The following C1QTNF7 variants were observed in gnomAD, a reference collection of about 807,000 sequenced individuals.
The protein encoded by C1QTNF7 is C1q and TNF related 7, also known as complement C1q tumor necrosis factor-related protein 7.
C1QTNF7 carries 15 observed loss-of-function variants against 19.6 expected under a neutral mutation model. That is an observed-to-expected ratio of 0.76 (90% CI 0.51 to 1.18). The LOEUF (loss-of-function observed/expected upper bound fraction) is 1.18. Ranked by LOEUF, C1QTNF7 falls within the 50% of genes most tolerant of loss-of-function variation. The probability of loss-of-function intolerance (pLI) is 0.00; values close to 1 mark genes in which losing one functional copy is unlikely to be tolerated. For missense variants in C1QTNF7, 324 were observed against 359.7 expected (o/e 0.90, Z 0.80); for synonymous variants, 142 against 137.5 (o/e 1.03, Z -0.23).
rs191187792 is a variant in C1QTNF7 at position 15,384,046 on chromosome 4, A to G, written c.13+43839A>G. On this transcript the variant is annotated intron_variant, in intron 1 of 2. Coordinates refer to the C1QTNF7 transcript ENST00000295297. ...GTGGAGGACTTGGTCTTGAACAAGCATGGATCCTGACTCACAGCTGTGTCC... is the reference window on the plus strand; with the variant it reads ...GTGGAGGACTTGGTCTTGAACAAGCGTGGATCCTGACTCACAGCTGTGTCC... 7.2e-5 allele frequency among the ~76,000 whole-genome samples: 11 copies of G among 152,364 alleles called. No homozygotes were observed. The East Asian group carries it at 1.9e-3, about 27-fold the overall frequency.
At chr4:15,354,728 A>G (rs573384715) in intron 1 of C1QTNF7, among the ~76,000 whole-genome samples, 4 of 152,234 alleles carry the variant, frequency 2.6e-5, no homozygotes, top group Admixed American at 2.6e-4. Flanking sequence ...GCCCCACACT[A>G]CACACATGTT....
intron 1 of C1QTNF7, among the ~76,000 whole-genome samples, chr4:15,398,485 G>GT (rs1202991371): frequency 6.6e-6 from 1 of 151,288 alleles, no homozygotes; most frequent in Non-Finnish European, 1.5e-5. Context: ...CAGACTTTCT[G>GT]TTCCACAGTG....
intron 1 of C1QTNF7, among the ~76,000 whole-genome samples, chr4:15,405,230 G>A (rs376704216): frequency 3.3e-5 from 5 of 152,044 alleles, no homozygotes; most frequent in Non-Finnish European, 5.9e-5. Context: ...TTTCATCCTC[G>A]CACTTGTGTC....
intron 1 of C1QTNF7, among the ~76,000 whole-genome samples, chr4:15,379,628 GC>G (rs1718068734): frequency 6.6e-6 from 1 of 152,088 alleles, no homozygotes; most frequent in African/African-American, 2.4e-5. Flanking sequence ...AAAATAAGGG[GC>G]TTTTTTTTAA....
chr4:15,390,103 A>T (rs1718500015), intron 1 of C1QTNF7, among the ~76,000 whole-genome samples: 1 of 152,146 alleles, frequency 6.6e-6, no homozygotes, highest in South Asian at 2.1e-4. Flanking sequence ...AGAGAAACAG[A>T]TGAGTAGGAA....
At chr4:15,348,491 T>C (rs1009742660) in intron 1 of C1QTNF7, among the ~76,000 whole-genome samples, 1 of 152,180 alleles carries the variant, frequency 6.6e-6, no homozygotes, top group Non-Finnish European at 1.5e-5. Context: ...GACATTAGTG[T>C]AGCTCCAGGC....
intron 1 of C1QTNF7, among the ~76,000 whole-genome samples, chr4:15,414,553 G>A (rs1719519492): frequency 6.6e-6 from 1 of 151,778 alleles, no homozygotes; most frequent in African/African-American, 2.4e-5. Flanking sequence ...CAAAAAGAGA[G>A]TTCTGCCTGC....
Position 15,397,881 on chromosome 4 carries a change from A to G in C1QTNF7, c.14-37855A>G, listed in dbSNP as rs555395903. On this transcript the variant is annotated intron_variant, in intron 1 of 2. Coordinates refer to the C1QTNF7 transcript ENST00000295297. Reference sequence around the variant, plus strand: ...TCTCAGCAGATGCTGGCGACTACACAGTTCTACTTCCAAGAATCCCCAAAT... The same window carrying G: ...TCTCAGCAGATGCTGGCGACTACACGGTTCTACTTCCAAGAATCCCCAAAT... Among the ~76,000 whole-genome samples the G allele has an allele frequency of 3.3e-5, 5 of 152,296 alleles. No individual in the cohort carries two copies. In the South Asian group the frequency reaches 1.0e-3, roughly 32 times the overall value.
At chr4:15,339,868 C>G, upstream of C1QTNF7, 1 of 448,944 alleles carries the variant, frequency 2.2e-6, no homozygotes, top group Non-Finnish European at 4.0e-6. Flanking sequence ...ATATATTAAG[C>G]TCTTTGAAAT....
At chr4:15,387,575 A>G (rs1201210904) in intron 1 of C1QTNF7, among the ~76,000 whole-genome samples, 1 of 152,176 alleles carries the variant, frequency 6.6e-6, no homozygotes, top group Non-Finnish European at 1.5e-5. Flanking sequence ...AAGAGGGAGA[A>G]GCAAGGGGGA....
At chr4:15,343,380 T>C (rs1716613459) in intron 1 of C1QTNF7, among the ~76,000 whole-genome samples, 1 of 152,196 alleles carries the variant, frequency 6.6e-6, no homozygotes, top group Admixed American at 6.5e-5. Flanking sequence ...CAAATTCTCT[T>C]CTGTATTTCT....
chr4:15,373,889 T>C (rs1489223953), intron 1 of C1QTNF7: 1 of 152,202 alleles, frequency 6.6e-6, no homozygotes, highest in Non-Finnish European at 1.5e-5. Context: ...GAGAAGCATG[T>C]AAATGGGGCT....
chr4:15,385,130 G>A (rs371769504), intron 1 of C1QTNF7, among the ~76,000 whole-genome samples: 7 of 152,128 alleles, frequency 4.6e-5, no homozygotes, highest in Admixed American at 6.5e-5. Flanking sequence ...CTAGTTACCC[G>A]CAAGACCAGC....
intron 1 of C1QTNF7, among the ~76,000 whole-genome samples, chr4:15,433,190 A>AT (rs1553891466): frequency 6.6e-6 from 1 of 151,988 alleles, no homozygotes; most frequent in South Asian, 2.1e-4. Context: ...ATGAACCTTT[A>AT]TTTTTTTGGT....
intron 1 of C1QTNF7, among the ~76,000 whole-genome samples, chr4:15,355,873 TAA>T (rs1284879410): frequency 3.9e-5 from 6 of 152,128 alleles, no homozygotes; most frequent in Admixed American, 6.6e-5. Flanking sequence ...TGTTTGTTTT[TAA>T]AAGACAGGGT....
chr4:15,400,815 T>G (rs1718960360), intron 1 of C1QTNF7, among the ~76,000 whole-genome samples: 1 of 152,236 alleles, frequency 6.6e-6, no homozygotes, highest in Admixed American at 6.5e-5. Flanking sequence ...GCCTTTATGT[T>G]ACATGCTCAC....
At chr4:15,439,307 C>T (rs773837225) in intron 2 of C1QTNF7, among the ~76,000 whole-genome samples, 1 of 152,186 alleles carries the variant, frequency 6.6e-6, no homozygotes, top group Non-Finnish European at 1.5e-5. Context: ...AACTTTCAGG[C>T]CGTGAAGGCC....
At chr4:15,342,230 C>A (rs1716569380) in intron 1 of C1QTNF7, among the ~76,000 whole-genome samples, 2 of 152,078 alleles carry the variant, frequency 1.3e-5, no homozygotes, top group Non-Finnish European at 2.9e-5. Flanking sequence ...CTGCAAGGGA[C>A]AAGAGTGTTA....
intron 1 of C1QTNF7, among the ~76,000 whole-genome samples, chr4:15,356,112 T>C (rs1577231487): frequency 6.6e-6 from 1 of 152,178 alleles, no homozygotes; most frequent in Non-Finnish European, 1.5e-5. Context: ...CTTTTTTTTA[T>C]TATTATATTT....
Sources: allele counts gnomAD v4.1 joint callset (sites outside exome capture counted in the v4.1 genomes callset), GRCh38; gene constraint gnomAD v4.1.1; transcripts MANE v1.5; gene names NCBI Gene and HGNC (gene_info 2026-07-23, HGNC 2026-07-21).